Variants in KIF7 observed in about 807,000 individuals in gnomAD.
KIF7 encodes the protein kinesin family member 7.
Under a neutral mutation model 135.7 loss-of-function variants are expected in KIF7, and 104 were observed. That is an observed-to-expected ratio of 0.77 (90% CI 0.65 to 0.90). KIF7 has a LOEUF of 0.90. KIF7 is among the 40% of genes least tolerant of loss of function. The probability of loss-of-function intolerance (pLI) is 0.00; values close to 1 mark genes in which losing one functional copy is unlikely to be tolerated. For missense variants in KIF7, 2,005 were observed against 1,839.1 expected (o/e 1.09, Z -1.65); for synonymous variants, 883 against 809.4 (o/e 1.09, Z -1.54).
intron 15 of KIF7, chr15:89,630,873 C>A (rs907082996): frequency 2.7e-6 from 1 of 370,792 alleles, no homozygotes; most frequent in African/African-American, 2.1e-5. Flanking sequence ...TTTTCGACGT[C>A]GTGCAAACAT....
Position 89,647,597 on chromosome 15 carries a change from T to C in KIF7, c.1559A>G (p.Gln520Arg), listed in dbSNP as rs772511735. Residue 520 changes from glutamine (Q) to arginine (R), a missense_variant and splice_region_variant, in exon 6 of 19, where the codon CAG (glutamine) becomes CGG (arginine). Coordinates refer to ENST00000394412, the MANE Select transcript of KIF7 (RefSeq NM_198525.3). ...LEDAMEQYKL[Q>R]SDRLREQQEE... is the part of the protein sequence containing the mutation. Reference sequence around the variant, plus strand: ...CGCACTGTGAAGCGGGCGCCGCACCTGCAGTTTGTACTGCTCCATGGCGTC... The same window carrying C: ...CGCACTGTGAAGCGGGCGCCGCACCCGCAGTTTGTACTGCTCCATGGCGTC... The C allele has an allele frequency of 1.4e-5, 23 of 1,610,872 alleles. No homozygotes were observed. Among genetic ancestry groups the C allele is most frequent in the Non-Finnish European group, 2.0e-5 (23 of 1,179,300 alleles).
Position 89,621,824 on chromosome 15 carries a change from T to A in KIF7, c.181-3629A>T, listed in dbSNP as rs571043074. Reference sequence around the variant, plus strand: ...TTTGTCTACTGTTTATATTATATACTGCACAGATACCTTTCTGGAGTGTGT... The same window carrying A: ...TTTGTCTACTGTTTATATTATATACAGCACAGATACCTTTCTGGAGTGTGT... On this transcript the variant is annotated intron_variant and NMD_transcript_variant, in intron 1 of 2. Coordinates refer to the KIF7 transcript ENST00000558928. Among the ~76,000 whole-genome samples the A allele has an allele frequency of 3.3e-5, 5 of 152,248 alleles. No homozygotes were observed. The East Asian group carries it at 9.7e-4, about 29-fold the overall frequency.
upstream of KIF7, among the ~76,000 whole-genome samples, chr15:89,658,416 C>T (rs188025982): frequency 1.1e-4 from 16 of 152,138 alleles, no homozygotes; most frequent in African/African-American, 3.4e-4. Context: ...CACCACGGCA[C>T]TCCAGCCTGG....
downstream of KIF7, chr15:89,625,295 C>G (rs143182076): frequency 3.7e-6 from 6 of 1,613,968 alleles, no homozygotes; most frequent in Non-Finnish European, 5.1e-6. Context: ...CCATTTCAAA[C>G]AGATGGGGTT....
chr15:89,640,701 T>G (rs903084037), intron 11 of KIF7, among the ~76,000 whole-genome samples: 1 of 151,428 alleles, frequency 6.6e-6, no homozygotes, highest in Admixed American at 6.6e-5. Context: ...AAAAATAGGA[T>G]AGGCCAGGCA....
chr15:89,629,309 CG>C, intron 17 of KIF7, 65 bp downstream of exon 17: 1 of 952,048 alleles, frequency 1.1e-6, no homozygotes, highest in Non-Finnish European at 1.3e-6. Flanking sequence ...GGGTGCAGGG[CG>C]GGGAAGATGG....
At position 89,647,656 on chromosome 15, in the gene KIF7, C is replaced by G; in HGVS notation, c.1500G>C (p.Glu500Asp). The G allele has an allele frequency of 6.2e-7, 1 of 1,610,894 alleles. No individual in the cohort carries two copies. The highest frequency in any genetic ancestry group is 8.5e-7 in the Non-Finnish European group (1 of 1,179,714). Residue 500 changes from glutamate to aspartate, a missense_variant, in exon 6 of 19, where the codon GAG becomes GAC. Physicochemically the swap from Glu to Asp is conservative, Grantham distance 45. Coordinates refer to ENST00000394412, the MANE Select transcript of KIF7 (RefSeq NM_198525.3). ...LTLQNQVARL[E>D]EENRDFLAAL... ...CAGCCAGAAAGTCTCGGTTCTCCTCCTCCAGCCGCGCCACCTGGTTCTGCA... is the reference window on the plus strand; with the variant it reads ...CAGCCAGAAAGTCTCGGTTCTCCTCGTCCAGCCGCGCCACCTGGTTCTGCA...
At chr15:89,663,029 G>A in the KIF7 span, among the ~76,000 whole-genome samples, 4 of 152,338 alleles carry the variant, frequency 2.6e-5, no homozygotes, top group South Asian at 6.2e-4. Flanking sequence ...GCATGTTGGC[G>A]GCCACAGCCC....
intron 1 of KIF7, chr15:89,621,288 TG>T: frequency 8.3e-7 from 1 of 1,206,478 alleles, no homozygotes; most frequent in East Asian, 2.5e-5. Flanking sequence ...CCCAAAGTGC[TG>T]GGATTACAGG....
At chr15:89,634,495 C>T (rs912621495) in intron 11 of KIF7, among the ~76,000 whole-genome samples, 2 of 152,178 alleles carry the variant, frequency 1.3e-5, no homozygotes, top group African/African-American at 2.4e-5. Flanking sequence ...CGAAGCAGGG[C>T]GAGGCATTGC....
rs886051533 is a variant in KIF7 at position 89,648,402 on chromosome 15, C to A, written c.1296G>T (p.Leu432=). 8.7e-7 allele frequency: 1 copy of A among 1,151,514 alleles called. No individual in the cohort carries two copies. The highest frequency in any genetic ancestry group is 1.1e-6 in the Non-Finnish European group (1 of 935,818). 71.3% of individuals were successfully genotyped at this position (1,151,514 alleles called of 1,614,324 possible). Residue 432 remains leucine (L), a synonymous_variant, in exon 5 of 19, where the codon CTG becomes CTT. Coordinates refer to ENST00000394412, the MANE Select transcript of KIF7 (RefSeq NM_198525.3). ...LLRELQAEPG[L]PGAAARKVRD... The stretch of plus-strand genomic sequence containing the variant: ...GCACCTTGCGGGCGGCGGCGCCGGG[C>A]AGCCCGGGCTCGGCCTGCAGCTCGC...
chr15:89,625,411 G>T (rs200226016), downstream of KIF7: 5 of 1,613,990 alleles, frequency 3.1e-6, no homozygotes, highest in Non-Finnish European at 4.2e-6. Flanking sequence ...CTCCTCTTCC[G>T]GGAGGGGCGA....
At position 89,648,962 on chromosome 15, in the gene KIF7, G is replaced by C; in HGVS notation, c.923+12C>G. ...GGCCCCCAGGCCACATAGGAGCCAG[G>C]GGGCAGCTCACCGGGTGATCTTGGA... On this transcript the variant is annotated intron_variant, in intron 4 of 18. Coordinates refer to ENST00000394412, the MANE Select transcript of KIF7 (RefSeq NM_198525.3). 1.3e-6 allele frequency: 2 copies of C among 1,526,896 alleles called. No homozygotes were observed. The highest frequency in any genetic ancestry group is 1.8e-6 in the Non-Finnish European group (2 of 1,135,208). The allele number at this position is 1,526,896 out of a possible 1,614,324, so 94.6% of individuals were successfully genotyped here. A position where few individuals can be genotyped will look rare whatever the true frequency, so the allele number is the denominator to read the frequency against.
chr15:89,623,073 C>T (rs146567050), downstream of KIF7, among the ~76,000 whole-genome samples: 19 of 152,328 alleles, frequency 1.2e-4, no homozygotes, highest in East Asian at 1.7e-3. Context: ...CTTTTCACTA[C>T]GTATTTTTGC....
intron 14 of KIF7, 61 bp from the exon 15 acceptor site, chr15:89,631,771 G>A (rs918335185): frequency 1.4e-6 from 2 of 1,404,452 alleles, no homozygotes; most frequent in African/African-American, 1.4e-5. Flanking sequence ...AGGGGGGACA[G>A]AAAGGGCCGG....
At position 89,632,417 on chromosome 15, in the gene KIF7, T is replaced by G. The variant is rs118085287; in HGVS notation, c.2895+403A>C. Among the ~76,000 whole-genome samples, 914 of 152,288 alleles carry G rather than the reference T, an allele frequency of 6.0e-3. 6 individuals are homozygous for G. The highest frequency in any genetic ancestry group is 9.7e-3 in the Non-Finnish European group (660 of 68,008). Reference sequence around the variant, plus strand: ...TATACCACCTTCCTATACCTGCGCCTCCTCATTCTTCCTGCACAGGCCCTG... The same window carrying G: ...TATACCACCTTCCTATACCTGCGCCGCCTCATTCTTCCTGCACAGGCCCTG... On this transcript the variant is annotated intron_variant, in intron 14 of 18. Coordinates refer to ENST00000394412, the MANE Select transcript of KIF7 (RefSeq NM_198525.3).
chr15:89,622,845 C>T (rs1023547100), intron 1 of KIF7, among the ~76,000 whole-genome samples: 1 of 152,200 alleles, frequency 6.6e-6, no homozygotes, highest in Non-Finnish European at 1.5e-5. Context: ...CTTCCCCTGC[C>T]GACACCCAAG....
At chr15:89,654,159 G>A (rs1177488056) in intron 1 of KIF7, among the ~76,000 whole-genome samples, 2 of 151,964 alleles carry the variant, frequency 1.3e-5, no homozygotes, top group African/African-American at 4.8e-5. Flanking sequence ...ACAGGCGCCC[G>A]CCACCACGCC....
Position 89,637,496 on chromosome 15 carries a change from C to T in KIF7, c.2395-3613G>A, listed in dbSNP as rs567875080. Among the ~76,000 whole-genome samples, 200 of 152,104 alleles carry T rather than the reference C, an allele frequency of 1.3e-3. 1 individual carries two copies. Among genetic ancestry groups the T allele is most frequent in the African/African-American group, 4.4e-3 (183 of 41,480 alleles). The stretch of plus-strand genomic sequence containing the variant: ...AAAATGATAAAGGGGATATCACCAC[C>T]GATCCCACAGAAATACAGACTACCA... On this transcript the variant is annotated intron_variant, in intron 11 of 18. Coordinates refer to ENST00000394412, the MANE Select transcript of KIF7 (RefSeq NM_198525.3).
Sources: allele counts gnomAD v4.1 joint callset (sites outside exome capture counted in the v4.1 genomes callset), GRCh38; gene constraint gnomAD v4.1.1; transcripts MANE v1.5; gene names NCBI Gene and HGNC (gene_info 2026-07-23, HGNC 2026-07-21).